The following HNRNPC variants were observed in gnomAD, a reference collection of about 807,000 sequenced individuals.
The protein encoded by HNRNPC is heterogeneous nuclear ribonucleoproteins C1/C2.
Under a neutral mutation model 33.2 loss-of-function variants are expected in HNRNPC, and 3 were observed. The ratio of observed to expected loss-of-function variants is 0.09; its 90% CI spans 0.04 to 0.23. The LOEUF (loss-of-function observed/expected upper bound fraction) is 0.23, where lower values mean the gene tolerates loss of function less well. HNRNPC is among the 10% of genes least tolerant of loss of function. HNRNPC has a pLI of 1.00. For synonymous variants in HNRNPC, 121 were observed against 126.7 expected, an observed-to-expected ratio of 0.96 and a Z score of 0.30; for missense variants, 143 against 366.7, an observed-to-expected ratio of 0.39 and a Z score of 4.98.
At chr14:21,251,695 G>T (rs147306293) in intron 2 of HNRNPC, among the ~76,000 whole-genome samples, 1 of 151,984 alleles carries the variant, frequency 6.6e-6, no homozygotes, top group South Asian at 2.1e-4. Context: ...AAAGACACAC[G>T]TATTAGGAAA....
At chr14:21,221,999 C>T (rs1566602995) in intron 5 of HNRNPC, among the ~76,000 whole-genome samples, 1 of 128,970 alleles carries the variant, frequency 7.8e-6, no homozygotes, top group African/African-American at 3.0e-5. Context: ...TGAGATCACA[C>T]CACTGCACTC....
chr14:21,241,372 T>C (rs1022600098), intron 2 of HNRNPC, among the ~76,000 whole-genome samples: 11 of 151,866 alleles, frequency 7.2e-5, no homozygotes, highest in African/African-American at 2.7e-4. Flanking sequence ...ATATGTAAAA[T>C]TTCCCTTCTT....
At chr14:21,265,549 C>T (rs1320775167) in intron 1 of HNRNPC, 2 of 152,216 alleles carry the variant, frequency 1.3e-5, no homozygotes, top group Non-Finnish European at 2.9e-5. Flanking sequence ...TGGCTCACAC[C>T]TGTAATCCCA....
Position 21,216,329 on chromosome 14 carries a change from C to T in HNRNPC, c.366-3212G>A, listed in dbSNP as rs1351428460. On this transcript the variant is annotated intron_variant, in intron 5 of 8. Transcript: ENST00000553300. Reference sequence around the variant, plus strand: ...ACACTACACCAGAGTAGACGTTAATCTATTAATAATAAAGCTATCATTTGG... The same window carrying T: ...ACACTACACCAGAGTAGACGTTAATTTATTAATAATAAAGCTATCATTTGG... Among the ~76,000 whole-genome samples, 4 of 152,142 alleles carry T rather than the reference C, an allele frequency of 2.6e-5. No homozygotes were observed. In the East Asian group the frequency reaches 5.8e-4, roughly 22 times the overall value.
chr14:21,211,478 C>A lies in HNRNPC; in HGVS notation c.726G>T (p.Gly242=). 2 of 1,612,892 alleles carry A rather than the reference C, an allele frequency of 1.2e-6. No homozygotes were observed. ...DETNVKMESE[G]GADDSAEEGD... is the part of the protein sequence containing the mutation. Reference sequence around the variant, plus strand: ...CCTCCTCAGCAGAGTCATCTGCACCCCCCTCAGACTCCATCTTCACATTAG... The same window carrying A: ...CCTCCTCAGCAGAGTCATCTGCACCACCCTCAGACTCCATCTTCACATTAG... The change falls in exon 8 of 9, where the codon GGG becomes GGT. Residue 242 remains glycine, a synonymous_variant. Transcript: ENST00000553300.
chr14:21,237,881 C>T (rs959320325), intron 2 of HNRNPC, among the ~76,000 whole-genome samples: 3 of 152,194 alleles, frequency 2.0e-5, no homozygotes, highest in Admixed American at 2.0e-4. Flanking sequence ...AAGTGATTCT[C>T]CTGCCTCAGC....
chr14:21,235,175 A>G lies in HNRNPC; in HGVS notation c.-36-946T>C, dbSNP rs528797560. Among the ~76,000 whole-genome samples, 17 of 152,262 alleles carry G rather than the reference A, an allele frequency of 1.1e-4. No individual in the cohort carries two copies. The East Asian group carries it at 2.3e-3, about 21-fold the overall frequency. ...CCGTAAAGCGAAAATGTTTTATTTC[A>G]TTCTTTTAGCATTTTGTTTCCTGCC... is the stretch of plus-strand genomic sequence containing the variant. On this transcript the variant is annotated intron_variant, in intron 2 of 8. Transcript: ENST00000553300.
chr14:21,223,011 C>G (rs115601396), intron 5 of HNRNPC, among the ~76,000 whole-genome samples: 108 of 152,112 alleles, frequency 7.1e-4, no homozygotes, highest in African/African-American at 2.3e-3. Flanking sequence ...CTAGCCTGCC[C>G]AACACGGTGA....
chr14:21,253,111 T>C (rs959071673), intron 2 of HNRNPC, among the ~76,000 whole-genome samples: 10 of 150,386 alleles, frequency 6.6e-5, no homozygotes, highest in African/African-American at 2.5e-4. Context: ...GAGGTGGAAG[T>C]TGCAGTGAGC....
At chr14:21,240,594 G>C (rs1349380872) in intron 2 of HNRNPC, among the ~76,000 whole-genome samples, 1 of 152,118 alleles carries the variant, frequency 6.6e-6, no homozygotes, top group Non-Finnish European at 1.5e-5. Flanking sequence ...ATTTGAACAT[G>C]GAGTCAAGAC....
chr14:21,234,114 A>G lies in HNRNPC; in HGVS notation c.80T>C (p.Val27Ala). The change falls in exon 3 of 9, where the codon GTG becomes GCG. Residue 27 changes from valine (V) to alanine (A), a missense_variant. This residue lies in a region of HNRNPC where 12 missense variants were observed against 113.7 expected (regional missense o/e 0.11). Transcript: ENST00000553300. ...RVFIGNLNTL[V>A]VKKSDVEAIF... The stretch of plus-strand genomic sequence containing the variant: ...TGCCTCCACATCAGATTTCTTGACC[A>G]CAAGAGTGTTGAGATTCCCAATGAA... The G allele has an allele frequency of 6.2e-7, 1 of 1,614,014 alleles. No individual in the cohort carries two copies. Among genetic ancestry groups the G allele is most frequent in the Non-Finnish European group, 8.5e-7 (1 of 1,179,932 alleles).
intron 4 of HNRNPC, 41 bp from the exon 5 acceptor site, chr14:21,230,407 T>G (rs1442644051): frequency 1.4e-6 from 2 of 1,461,998 alleles, no homozygotes; most frequent in Non-Finnish European, 1.9e-6. Flanking sequence ...TGGAAATGTT[T>G]CTACTAATTC....
chr14:21,226,898 G>GAC (rs751786293), intron 5 of HNRNPC, among the ~76,000 whole-genome samples: 1 of 78,796 alleles, frequency 1.3e-5, no homozygotes, highest in African/African-American at 6.1e-5. Context: ...AAAAAAAAGG[G>GAC]GGGGGGGGGA....
At chr14:21,235,460 C>T (rs1158913622) in intron 2 of HNRNPC, among the ~76,000 whole-genome samples, 4 of 152,180 alleles carry the variant, frequency 2.6e-5, no homozygotes, top group Non-Finnish European at 5.9e-5. Flanking sequence ...ATGCTTAATA[C>T]AGTCATTTAA....
chr14:21,250,720 G>A (rs1327764259), intron 2 of HNRNPC, among the ~76,000 whole-genome samples: 1 of 152,176 alleles, frequency 6.6e-6, no homozygotes, highest in African/African-American at 2.4e-5. Flanking sequence ...TGGCTACACT[G>A]TAGTCTTCAA....
chr14:21,215,076 C>G (rs2139472571), intron 5 of HNRNPC, among the ~76,000 whole-genome samples: 1 of 152,286 alleles, frequency 6.6e-6, no homozygotes. Context: ...GCAAGTAATA[C>G]AGTTTTGTTT....
chr14:21,234,238 CA>C lies in HNRNPC; in HGVS notation c.-36-10del, dbSNP rs747570191. On this transcript the variant is annotated splice_polypyrimidine_tract_variant and intron_variant, in intron 2 of 8. Coordinates refer to ENST00000553300, the MANE Select transcript of HNRNPC (RefSeq NM_004500.4). Reference sequence around the variant, plus strand: ...TCTCACAAAGCCGAAAACTGTAAAGCAAAAAAAAGTATACAGGTGAACAGAT... The same window carrying C: ...TCTCACAAAGCCGAAAACTGTAAAGCAAAAAAAGTATACAGGTGAACAGAT... 5.0e-5 allele frequency: 77 copies of C among 1,526,174 alleles called. No individual in the cohort carries two copies. Among genetic ancestry groups the C allele is most frequent in the Middle Eastern group, 1.7e-4 (1 of 5,748 alleles). The allele number at this position is 1,526,174 out of a possible 1,614,324, so 94.5% of individuals were successfully genotyped here. A position where few individuals can be genotyped will look rare whatever the true frequency, so the allele number is the denominator to read the frequency against.
At chr14:21,230,490 A>G in intron 4 of HNRNPC, 124 bp from the exon 5 acceptor site, 1 of 670,672 alleles carries the variant, frequency 1.5e-6, no homozygotes, top group African/African-American at 1.8e-5. Context: ...GCACTGAATG[A>G]TCCCCAATCA....
At chr14:21,213,223 C>A in intron 5 of HNRNPC, 106 bp from the exon 6 acceptor site, 1 of 1,176,882 alleles carries the variant, frequency 8.5e-7, no homozygotes, top group Non-Finnish European at 1.2e-6. Flanking sequence ...CTAGTCGTTT[C>A]CTTTTATTAA....
Sources: gnomAD v4.1 joint callset for allele counts (sites outside exome capture counted in the v4.1 genomes callset) on GRCh38, gnomAD v4.1.1 for gene constraint, gnomAD v4.1.1 regional missense constraint, MANE v1.5 for transcripts, NCBI Gene and HGNC (gene_info 2026-07-23, HGNC 2026-07-21) for gene names.